The following SND1 variants were observed in gnomAD, a reference collection of about 807,000 sequenced individuals.
SND1 encodes staphylococcal nuclease domain-containing protein 1.
In SND1, 38 loss-of-function variants were observed where a neutral mutation model predicts 121.7. The observed-to-expected ratio is 0.31, with a 90% CI of 0.24 to 0.41. SND1 has a LOEUF of 0.41. Among genes scored for constraint, SND1 ranks in the 10% least tolerant of loss-of-function variants. The pLI, the probability that SND1 is intolerant of heterozygous loss-of-function variation, is 1.00. For synonymous variants in SND1, 401 were observed against 447.4 expected (o/e 0.90, Z 1.31); for missense variants, 868 against 1,184.6 (o/e 0.73, Z 3.92).
intron 16 of SND1, among the ~76,000 whole-genome samples, chr7:128,017,676 C>G (rs1324722891): frequency 6.6e-6 from 1 of 152,254 alleles, no homozygotes; most frequent in Non-Finnish European, 1.5e-5. Context: ...ACTCCAGCAG[C>G]AGCACCACTC....
chr7:127,701,677 G>A (rs1307248308), intron 5 of SND1, among the ~76,000 whole-genome samples: 1 of 151,974 alleles, frequency 6.6e-6, no homozygotes. Flanking sequence ...AAACAGATAC[G>A]GTCATGCTTC....
chr7:127,934,665 A>G (rs1801021467), intron 15 of SND1, among the ~76,000 whole-genome samples: 1 of 152,150 alleles, frequency 6.6e-6, no homozygotes, highest in Non-Finnish European at 1.5e-5. Flanking sequence ...GGTTTGAGCA[A>G]TCTGGTAGAT....
intron 11 of SND1, among the ~76,000 whole-genome samples, chr7:127,830,093 G>C (rs1798711082): frequency 6.6e-6 from 1 of 152,132 alleles, no homozygotes; most frequent in East Asian, 1.9e-4. Flanking sequence ...AATCAAGAAG[G>C]CCTTGGTGGC....
chr7:127,671,392 A>C lies in SND1; in HGVS notation c.79-15221A>C, dbSNP rs201438928. 4.6e-5 allele frequency among the ~76,000 whole-genome samples: 7 copies of C among 152,364 alleles called. No homozygotes were observed. In the East Asian group the frequency reaches 1.3e-3, roughly 29 times the overall value. On this transcript the variant is annotated intron_variant, in intron 1 of 23. Coordinates refer to ENST00000354725, the MANE Select transcript of SND1 (RefSeq NM_014390.4). ...AGTTATGTTCTATAAAGTTGCAAAC[A>C]CTGTGAATCTATTGAGTACTGATGG... is the stretch of plus-strand genomic sequence containing the variant.
intron 10 of SND1, among the ~76,000 whole-genome samples, chr7:127,771,508 A>G (rs1489385822): frequency 6.6e-6 from 1 of 152,198 alleles, no homozygotes; most frequent in African/African-American, 2.4e-5. Context: ...GATTAACTAT[A>G]AAGTAATTTT....
At chr7:127,872,505 A>C (rs1056227123) in intron 12 of SND1, among the ~76,000 whole-genome samples, 3 of 152,066 alleles carry the variant, frequency 2.0e-5, no homozygotes, top group Non-Finnish European at 2.9e-5. Context: ...GGCCATATAC[A>C]TTTGTTTTGT....
At chr7:127,666,999 G>T (rs1795431009) in intron 1 of SND1, among the ~76,000 whole-genome samples, 1 of 152,076 alleles carries the variant, frequency 6.6e-6, no homozygotes, top group Admixed American at 6.5e-5. Flanking sequence ...AATGTTTATG[G>T]TAGACCTGTG....
At chr7:127,938,394 T>C (rs1291691050) in intron 15 of SND1, among the ~76,000 whole-genome samples, 2 of 152,218 alleles carry the variant, frequency 1.3e-5, no homozygotes, top group African/African-American at 2.4e-5. Flanking sequence ...AGTCTAGTTA[T>C]GTAGATGGCC....
chr7:128,084,540 T>G (rs921876195), intron 18 of SND1, among the ~76,000 whole-genome samples, 184 bp from the exon 19 acceptor site: 1 of 152,334 alleles, frequency 6.6e-6, no homozygotes, highest in Non-Finnish European at 1.5e-5. Flanking sequence ...TGAAGGCAGA[T>G]GGCATGAAAC....
chr7:128,018,478 T>C (rs1803276018), intron 16 of SND1, among the ~76,000 whole-genome samples: 2 of 152,198 alleles, frequency 1.3e-5, no homozygotes, highest in Non-Finnish European at 2.9e-5. Context: ...TTAATTAAAT[T>C]TGCCTCCCTC....
intron 1 of SND1, among the ~76,000 whole-genome samples, chr7:127,682,873 C>T (rs781175705): frequency 6.6e-6 from 1 of 152,300 alleles, no homozygotes; most frequent in East Asian, 1.9e-4. Context: ...GAATTAATAA[C>T]TGAATAAATC....
chr7:127,654,985 G>T (rs1046520791), intron 1 of SND1, among the ~76,000 whole-genome samples: 1 of 152,232 alleles, frequency 6.6e-6, no homozygotes, highest in Non-Finnish European at 1.5e-5. Flanking sequence ...TACAAAGGAA[G>T]ATGGAGCTCT....
rs1043947423 is a variant in SND1, at chr7:127,754,135, C to T, written c.1152+32735C>T. 7.2e-5 allele frequency among the ~76,000 whole-genome samples: 11 copies of T among 152,170 alleles called. No individual in the cohort carries two copies. In the South Asian group the frequency reaches 8.3e-4, roughly 11 times the overall value. On this transcript the variant is annotated intron_variant, in intron 10 of 23. Coordinates refer to ENST00000354725, the MANE Select transcript of SND1 (RefSeq NM_014390.4). ...CTGAATGTGGTGTGTCATTTTGTGT[C>T]ACAGTATCTTCTATTTGGAGAATAG...
intron 16 of SND1, among the ~76,000 whole-genome samples, chr7:128,044,304 G>T (rs1792908766): frequency 6.6e-6 from 1 of 152,276 alleles, no homozygotes; most frequent in South Asian, 2.1e-4. Context: ...AGCACAGAAA[G>T]ATTTATTCAG....
Position 128,024,954 on chromosome 7 carries a change from C to G in SND1, c.1779+33898C>G, listed in dbSNP as rs546142339. 2.0e-5 allele frequency among the ~76,000 whole-genome samples: 3 copies of G among 152,200 alleles called. No homozygotes were observed. In the East Asian group the frequency reaches 5.8e-4, roughly 29 times the overall value. On this transcript the variant is annotated intron_variant, in intron 16 of 23. Transcript: ENST00000354725. The stretch of plus-strand genomic sequence containing the variant: ...GACCTCCTCCACACTGCAGAGTTTC[C>G]AAGGCTGGGAGGAGGCCAAGCCACC...
At chr7:127,944,733 C>CATCT (rs1801288852) in intron 15 of SND1, among the ~76,000 whole-genome samples, 5 of 152,304 alleles carry the variant, frequency 3.3e-5, no homozygotes, top group Admixed American at 6.5e-5. Context: ...TTAATCCACC[C>CATCT]ATCTGCTCCA....
chr7:128,030,034 A>G, intron 16 of SND1: 1 of 1,613,252 alleles, frequency 6.2e-7, no homozygotes, highest in Non-Finnish European at 8.5e-7. Flanking sequence ...CACATGCCCA[A>G]GTTCAGATAC....
At chr7:127,796,822 G>A (rs1400301781) in intron 10 of SND1, among the ~76,000 whole-genome samples, 3 of 148,800 alleles carry the variant, frequency 2.0e-5, no homozygotes, top group Non-Finnish European at 4.5e-5. Context: ...TTACAGTTTT[G>A]AAATAATTTT....
At chr7:127,956,526 C>G (rs1801596898) in intron 15 of SND1, among the ~76,000 whole-genome samples, 1 of 152,186 alleles carries the variant, frequency 6.6e-6, no homozygotes, top group Non-Finnish European at 1.5e-5. Flanking sequence ...TCTGGAAGTT[C>G]ATGTGAGAAA....
Sources: allele counts gnomAD v4.1 joint callset (sites outside exome capture counted in the v4.1 genomes callset), GRCh38; gene constraint gnomAD v4.1.1; transcripts MANE v1.5; gene names NCBI Gene and HGNC (gene_info 2026-07-23, HGNC 2026-07-21).